ABHD18: variants seen among roughly 807,000 people sequenced by gnomAD.
The protein encoded by ABHD18 is cardiolipin-specific deacylase, mitochondrial.
ABHD18 carries 55 observed loss-of-function variants against 65.9 expected under a neutral mutation model. The observed-to-expected ratio is 0.84, with a 90% CI of 0.67 to 1.05. The LOEUF is 1.05. Ranked by LOEUF, ABHD18 falls within the 50% of genes least tolerant of loss-of-function variation. ABHD18 has a pLI of 0.00. For missense variants in ABHD18, 533 were observed against 558.5 expected (o/e 0.95, Z 0.46); for synonymous variants, 181 against 180.2 (o/e 1.00, Z -0.04).
chr4:127,997,110 T>C (rs1751874356), intron 4 of ABHD18, among the ~76,000 whole-genome samples: 1 of 152,232 alleles, frequency 6.6e-6, no homozygotes, highest in Non-Finnish European at 1.5e-5. Context: ...TAAACGTCCA[T>C]GAAATATTCA....
At chr4:128,028,378 C>A (rs918583154) in intron 10 of ABHD18, 97 bp from the exon 11 acceptor site, 4 of 870,264 alleles carry the variant, frequency 4.6e-6, no homozygotes, top group Non-Finnish European at 6.6e-6. Context: ...TCCATTTATT[C>A]ATTGATGGAC....
At chr4:127,993,486 G>A (rs549176470) in intron 4 of ABHD18, among the ~76,000 whole-genome samples, 1 of 151,744 alleles carries the variant, frequency 6.6e-6, no homozygotes, top group African/African-American at 2.4e-5. Context: ...GTTCCCAGAT[G>A]ATGCACATTG....
At chr4:128,032,353 A>C (rs1758333821) in intron 12 of ABHD18, among the ~76,000 whole-genome samples, 1 of 152,160 alleles carries the variant, frequency 6.6e-6, no homozygotes, top group Non-Finnish European at 1.5e-5. Context: ...GGAATAGTAG[A>C]ATTTTTAAAA....
At chr4:128,002,358 C>A (rs1414207480) in intron 4 of ABHD18, among the ~76,000 whole-genome samples, 1 of 151,442 alleles carries the variant, frequency 6.6e-6, no homozygotes, top group Non-Finnish European at 1.5e-5. Flanking sequence ...CAGCTGACTG[C>A]AACCTCTGCC....
At chr4:128,032,379 A>C (rs900144151) in intron 12 of ABHD18, among the ~76,000 whole-genome samples, 2 of 152,156 alleles carry the variant, frequency 1.3e-5, no homozygotes, top group African/African-American at 4.8e-5. Context: ...GTCTTTTCAC[A>C]CACCAAACAT....
At chr4:127,970,642 A>G (rs1746585486) in intron 1 of ABHD18, among the ~76,000 whole-genome samples, 1 of 151,754 alleles carries the variant, frequency 6.6e-6, no homozygotes, top group Non-Finnish European at 1.5e-5. Context: ...AATATATTGC[A>G]AAAGGCAGTG....
At position 128,039,112 on chromosome 4, in the gene ABHD18, G is replaced by GTA. The variant is rs1329579315; in HGVS notation, c.*3307_*3308dup. 4.5e-3 allele frequency: 503 copies of GTA among 112,244 alleles called. 6 individuals carry two copies. The highest frequency in any genetic ancestry group is 0.016 in the African/African-American group (476 of 29,108). 7.0% of individuals were successfully genotyped at this position (112,244 alleles called of 1,614,324 possible). ...TATGTGTGTATATATATGTATGTAC[G>GTA]TATATATATGTATTATATATACACA... On this transcript the variant is annotated 3_prime_UTR_variant, in exon 13 of 13. Transcript: ENST00000645843.
At chr4:128,032,457 C>T (rs376162676) in intron 12 of ABHD18, among the ~76,000 whole-genome samples, 44 of 152,262 alleles carry the variant, frequency 2.9e-4, no homozygotes, top group Middle Eastern at 3.4e-3. Context: ...GAGGCCAAGG[C>T]GGGTGGATCA....
chr4:128,029,588 C>T (rs1369571254), intron 11 of ABHD18, among the ~76,000 whole-genome samples: 2 of 152,156 alleles, frequency 1.3e-5, no homozygotes, highest in African/African-American at 4.8e-5. Context: ...CTTTGGGAGG[C>T]CAAGGCGGGT....
chr4:127,998,541 C>CTTT (rs34575955), intron 4 of ABHD18, among the ~76,000 whole-genome samples: 2 of 142,986 alleles, frequency 1.4e-5, no homozygotes, highest in Non-Finnish European at 1.5e-5. Context: ...TCCCGGCTGA[C>CTTT]TTTTTTTTTT....
chr4:127,981,795 T>C (rs1260742904), intron 1 of ABHD18, among the ~76,000 whole-genome samples: 2 of 152,132 alleles, frequency 1.3e-5, no homozygotes, highest in African/African-American at 4.8e-5. Flanking sequence ...GAAGAGCACA[T>C]GGAAACTGGG....
chr4:128,035,548 G>C (rs1353893420), intron 12 of ABHD18, among the ~76,000 whole-genome samples: 1 of 152,026 alleles, frequency 6.6e-6, no homozygotes, highest in Non-Finnish European at 1.5e-5. Context: ...GTCCAGCCTG[G>C]GCGACAGAGC....
rs1372116092 is a variant in ABHD18, at chr4:128,038,028, C to T, written c.*2215C>T. ...TTTTTAAATAGGGATTCTTAGTCTA[C>T]TAACGATATTTGAATTATAATGTGC... On this transcript the variant is annotated 3_prime_UTR_variant, in exon 13 of 13. Transcript: ENST00000645843. 6.6e-6 allele frequency: 1 copy of T among 152,118 alleles called. No homozygotes were observed. The highest frequency in any genetic ancestry group is 1.5e-5 in the Non-Finnish European group (1 of 68,018). The allele number at this position is 152,118 out of a possible 1,614,324, so 9.4% of individuals were successfully genotyped here. A position where few individuals can be genotyped will look rare whatever the true frequency, so the allele number is the denominator to read the frequency against.
chr4:128,009,227 T>C, intron 6 of ABHD18, 36 bp downstream of exon 6: 1 of 1,280,102 alleles, frequency 7.8e-7, no homozygotes. Context: ...TCTTTTGCCT[T>C]GTTTATTTAT....
In ABHD18 at chr4:128,009,155, G is replaced by A; in HGVS notation, c.406G>A (p.Ala136Thr). ...AATGGCCCGTCCTATGATTAAAGAA[G>A]CCCGAATGGCTTCTTTATTGTTAGA... is the stretch of plus-strand genomic sequence containing the variant. ...TLMARPMIKEARMASLLLENP... is the reference protein window; with the variant it reads ...TLMARPMIKETRMASLLLENP... The change falls in exon 6 of 13, where the codon GCC (alanine) becomes ACC (threonine). Residue 136 changes from alanine to threonine, a missense_variant. Coordinates refer to ENST00000645843, the MANE Select transcript of ABHD18 (RefSeq NM_001358451.3). 4 of 1,522,788 alleles carry A rather than the reference G, an allele frequency of 2.6e-6. No homozygotes were observed. The highest frequency in any genetic ancestry group is 3.5e-6 in the Non-Finnish European group (4 of 1,148,760). 94.3% of individuals were successfully genotyped at this position (1,522,788 alleles called of 1,614,324 possible). A position where few individuals can be genotyped will look rare whatever the true frequency, so the allele number is the denominator to read the frequency against.
chr4:128,015,633 C>CT (rs1755352234), intron 7 of ABHD18, among the ~76,000 whole-genome samples: 1 of 152,048 alleles, frequency 6.6e-6, no homozygotes, highest in African/African-American at 2.4e-5. Context: ...CCCTTCTGGA[C>CT]TTAGAGCTCT....
chr4:128,015,581 G>C (rs1475419674), intron 7 of ABHD18, among the ~76,000 whole-genome samples: 2 of 152,058 alleles, frequency 1.3e-5, no homozygotes, highest in South Asian at 2.1e-4. Flanking sequence ...ACTATGATCT[G>C]TTTGGACGAA....
At chr4:128,010,259 G>T (rs1014476220) in intron 6 of ABHD18, among the ~76,000 whole-genome samples, 17 of 152,354 alleles carry the variant, frequency 1.1e-4, no homozygotes, top group Middle Eastern at 3.4e-3. Flanking sequence ...GCCAGGTGCA[G>T]TGGCTCACGC....
intron 4 of ABHD18, among the ~76,000 whole-genome samples, chr4:128,000,220 T>C (rs1024170627): frequency 6.6e-6 from 1 of 152,160 alleles, no homozygotes. Flanking sequence ...AACCCAGAAT[T>C]TCCTAGGTTT....
Sources: allele counts gnomAD v4.1 joint callset (sites outside exome capture counted in the v4.1 genomes callset), GRCh38; gene constraint gnomAD v4.1.1; transcripts MANE v1.5; gene names NCBI Gene and HGNC (gene_info 2026-07-23, HGNC 2026-07-21).